The following SCN8A variants were observed in gnomAD, a reference collection of about 807,000 sequenced individuals.
SCN8A encodes the protein sodium channel protein type 8 subunit alpha.
Under a neutral mutation model 184.1 loss-of-function variants are expected in SCN8A, and 30 were observed. The observed-to-expected ratio is 0.16, with a 90% confidence interval of 0.12 to 0.22. The LOEUF is 0.22. Among genes scored for constraint, SCN8A ranks in the 10% least tolerant of loss-of-function variants. The probability of loss-of-function intolerance (pLI) is 1.00; values close to 1 mark genes in which losing one functional copy is unlikely to be tolerated. For synonymous variants in SCN8A, 852 were observed against 907.0 expected (o/e 0.94, Z 1.09); for missense variants, 1,057 against 2,498.9 (o/e 0.42, Z 12.30).
chr12:51,720,354 G>T (rs1300107151), intron 11 of SCN8A, among the ~76,000 whole-genome samples: 1 of 149,504 alleles, frequency 6.7e-6, no homozygotes, highest in Admixed American at 6.7e-5. Flanking sequence ...CTATCACAAG[G>T]ACAGAAAACC....
chr12:51,706,839 A>G (rs1201197971), intron 11 of SCN8A, 124 bp downstream of exon 11: 1 of 689,394 alleles, frequency 1.5e-6, no homozygotes, highest in Non-Finnish European at 2.1e-6. Context: ...GCACAATTAT[A>G]TTCTTCTTTT....
At chr12:51,802,273 T>G (rs1938575768) in intron 26 of SCN8A, among the ~76,000 whole-genome samples, 1 of 152,014 alleles carries the variant, frequency 6.6e-6, no homozygotes, top group African/African-American at 2.4e-5. Context: ...CAGACAAATG[T>G]GGAAAGGCTG....
chr12:51,706,416 T>C lies in SCN8A; in HGVS notation c.1342-6T>C. The C allele has an allele frequency of 1.9e-6, 3 of 1,564,952 alleles. No homozygotes were observed. The highest frequency in any genetic ancestry group is 2.6e-6 in the Non-Finnish European group (3 of 1,158,140). The stretch of plus-strand genomic sequence containing the variant: ...TCTGGCTTCCCTGCTGTGGCTTCTT[T>C]CCTAGGCTGCTGCGATGGCCACTTC... On this transcript the variant is annotated splice_region_variant and splice_polypyrimidine_tract_variant and intron_variant, in intron 10 of 26. Transcript: ENST00000627620.
At chr12:51,612,951 G>C (rs921289442) in intron 1 of SCN8A, among the ~76,000 whole-genome samples, 2 of 152,136 alleles carry the variant, frequency 1.3e-5, no homozygotes, top group African/African-American at 4.8e-5. Context: ...TTGAACTCCT[G>C]ACATCCCGTG....
rs77763061 is a variant in SCN8A, at chr12:51,711,586, C to A, written c.1635+4871C>A. The stretch of plus-strand genomic sequence containing the variant: ...TCCAGAGCCTGTGCTCCTAACCACC[C>A]CTTCTTTATTCCTGCACACGTACAT... On this transcript the variant is annotated intron_variant, in intron 11 of 26. Transcript: ENST00000627620. Among the ~76,000 whole-genome samples, 1,298 of 152,298 alleles carry A rather than the reference C, an allele frequency of 8.5e-3. 18 individuals are homozygous for A. The highest frequency in any genetic ancestry group is 0.03 in the African/African-American group (1,236 of 41,566).
chr12:51,742,735 T>A (rs1289700498), intron 12 of SCN8A, among the ~76,000 whole-genome samples: 1 of 152,174 alleles, frequency 6.6e-6, no homozygotes, highest in Non-Finnish European at 1.5e-5. Flanking sequence ...AATGTTGATA[T>A]CTTTCTCTAG....
intron 6 of SCN8A, among the ~76,000 whole-genome samples, chr12:51,694,457 T>C (rs1175103558): frequency 1.3e-5 from 2 of 152,242 alleles, no homozygotes; most frequent in Admixed American, 1.3e-4. Flanking sequence ...TTCCCTCTTG[T>C]CACTGACCGT....
intron 1 of SCN8A, among the ~76,000 whole-genome samples, chr12:51,611,027 C>T (rs1366757418): frequency 6.6e-6 from 1 of 152,162 alleles, no homozygotes; most frequent in Non-Finnish European, 1.5e-5. Flanking sequence ...TGCATTAAAT[C>T]TATAAATCAG....
At chr12:51,595,575 G>A (rs1939329427) in intron 1 of SCN8A, among the ~76,000 whole-genome samples, 1 of 152,156 alleles carries the variant, frequency 6.6e-6, no homozygotes, top group South Asian at 2.1e-4. Flanking sequence ...TTGTGACCTT[G>A]GGCAAGTTAT....
At chr12:51,640,212 GTTTTTTTTTTTTTTTTT>G (rs57362371) in intron 1 of SCN8A, among the ~76,000 whole-genome samples, 84 of 34,774 alleles carry the variant, frequency 2.4e-3, no homozygotes, top group Middle Eastern at 0.022. Context: ...TGCCTGGCCT[GTTTTTTTTTTTTTTTTT>G]TTTTTTTTTT....
At chr12:51,607,276 T>G (rs1398658689) in intron 1 of SCN8A, among the ~76,000 whole-genome samples, 1 of 152,196 alleles carries the variant, frequency 6.6e-6, no homozygotes, top group Non-Finnish European at 1.5e-5. Context: ...ACATTAATCT[T>G]GTATCTGGAA....
intron 20 of SCN8A, among the ~76,000 whole-genome samples, chr12:51,776,092 C>G (rs7296667): frequency 6.6e-6 from 1 of 152,212 alleles, no homozygotes; most frequent in Admixed American, 6.5e-5. Context: ...TGGGCTCACA[C>G]GATCCTTGCA....
At chr12:51,708,281 T>A (rs1282347849) in intron 11 of SCN8A, among the ~76,000 whole-genome samples, 1 of 152,190 alleles carries the variant, frequency 6.6e-6, no homozygotes, top group East Asian at 1.9e-4. Context: ...CACTGATAAG[T>A]TAGCCTATGG....
rs962704131 is a variant in SCN8A at position 51,812,663 on chromosome 12, C to A, written c.*5234C>A. On this transcript the variant is annotated 3_prime_UTR_variant, in exon 27 of 27. Coordinates refer to ENST00000627620, the MANE Select transcript of SCN8A (RefSeq NM_001330260.2). Reference sequence around the variant, plus strand: ...TTGTGATTATTCAAGACAATTTTTTCCCCTTGCTGTATCTCCTTCCCTCAC... The same window carrying A: ...TTGTGATTATTCAAGACAATTTTTTACCCTTGCTGTATCTCCTTCCCTCAC... The A allele has an allele frequency of 6.6e-6, 1 of 152,196 alleles. No individual in the cohort carries two copies. The highest frequency in any genetic ancestry group is 2.1e-4 in the South Asian group (1 of 4,826). 9.4% of individuals were successfully genotyped at this position (152,196 alleles called of 1,614,324 possible).
intron 6 of SCN8A, among the ~76,000 whole-genome samples, chr12:51,690,833 A>G (rs1941494248): frequency 6.6e-6 from 1 of 152,202 alleles, no homozygotes; most frequent in Non-Finnish European, 1.5e-5. Flanking sequence ...TGGCCAGTAA[A>G]TCAGTGCCCT....
intron 9 of SCN8A, among the ~76,000 whole-genome samples, chr12:51,703,394 G>A (rs1941725607): frequency 6.6e-6 from 1 of 152,040 alleles, no homozygotes; most frequent in South Asian, 2.1e-4. Context: ...TCCTCCCACT[G>A]TGGCCTCCCA....
In SCN8A at chr12:51,769,836, C is replaced by T. The variant is rs1374935180; in HGVS notation, c.3373-32C>T. 4 of 1,446,370 alleles carry T rather than the reference C, an allele frequency of 2.8e-6. No individual in the cohort carries two copies. The Admixed American group carries it at 5.8e-5, about 21-fold the overall frequency. 89.6% of individuals were successfully genotyped at this position (1,446,370 alleles called of 1,614,324 possible). On this transcript the variant is annotated intron_variant, in intron 17 of 26. Coordinates refer to ENST00000627620, the MANE Select transcript of SCN8A (RefSeq NM_001330260.2). ...GTGGAGTGGGCATGTTGCCTCAGAG[C>T]TGCCTGATCTCCCTTTTCCTTGCGT...
intron 26 of SCN8A, among the ~76,000 whole-genome samples, chr12:51,796,992 C>G (rs1401500500): frequency 1.3e-5 from 2 of 152,140 alleles, no homozygotes; most frequent in East Asian, 3.9e-4. Flanking sequence ...TCCACTGACT[C>G]AAATTAAAAG....
Position 51,706,514 on chromosome 12 carries a change from T to C in SCN8A, c.1434T>C (p.Ser478=). 6.2e-7 allele frequency: 1 copy of C among 1,605,548 alleles called. No individual in the cohort carries two copies. The highest frequency in any genetic ancestry group is 8.5e-7 in the Non-Finnish European group (1 of 1,176,006). The change falls in exon 11 of 27, where the codon TCT becomes TCC. Residue 478 remains serine, a synonymous_variant. Coordinates refer to ENST00000627620, the MANE Select transcript of SCN8A (RefSeq NM_001330260.2). ...EEGGGSPRSS[S]EISKLSSKSA... is the part of the protein sequence containing the mutation. Reference sequence around the variant, plus strand: ...GAGGGGGCTCCCCTCGGAGCTCTTCTGAAATCTCTAAACTCAGCTCAAAGA... The same window carrying C: ...GAGGGGGCTCCCCTCGGAGCTCTTCCGAAATCTCTAAACTCAGCTCAAAGA...
Sources: allele counts gnomAD v4.1 joint callset (sites outside exome capture counted in the v4.1 genomes callset), GRCh38; gene constraint gnomAD v4.1.1; transcripts MANE v1.5; gene names NCBI Gene and HGNC (gene_info 2026-07-23, HGNC 2026-07-21).